SDHAF3: variants seen among roughly 807,000 people sequenced by gnomAD.
The protein encoded by SDHAF3 is succinate dehydrogenase assembly factor 3, mitochondrial.
Under a neutral mutation model 11.5 loss-of-function variants are expected in SDHAF3, and 18 were observed. The observed-to-expected ratio is 1.56, with a 90% CI of 1.08 to 2.32. The LOEUF is 2.32. Among genes scored for constraint, SDHAF3 ranks in the 30% most tolerant of loss-of-function variants. The probability of loss-of-function intolerance (pLI) is 0.00; values close to 1 mark genes in which losing one functional copy is unlikely to be tolerated. For missense variants in SDHAF3, 200 were observed against 154.4 expected (o/e 1.30, Z -1.57); for synonymous variants, 72 against 59.3 (o/e 1.21, Z -0.99).
chr7:97,146,300 G>A (rs925598070), intron 1 of SDHAF3, among the ~76,000 whole-genome samples: 1 of 152,106 alleles, frequency 6.6e-6, no homozygotes, highest in African/African-American at 2.4e-5. Context: ...GGGAGTAAAA[G>A]AAGCACTAAA....
intron 1 of SDHAF3, among the ~76,000 whole-genome samples, chr7:97,163,168 C>CTTTTTTTTTTTTTTTTTTTTTTTTTT: frequency 8.0e-6 from 1 of 125,030 alleles, no homozygotes; most frequent in Non-Finnish European, 1.6e-5. Flanking sequence ...GTTTAAAGTC[C>CTTTTTTTTTTTTTTTTTTTTTTTTTT]TTTTTTTTTT....
rs1224287228 is a variant in SDHAF3 at position 97,146,297 on chromosome 7, AAAG to A, written c.174+28404_174+28406del. Among the ~76,000 whole-genome samples, 10 of 152,274 alleles carry A rather than the reference AAAG, an allele frequency of 6.6e-5. No homozygotes were observed. In the East Asian group the frequency reaches 1.9e-3, roughly 29 times the overall value. The stretch of plus-strand genomic sequence containing the variant: ...CAAAACTGTGACATTTGTGGGAGTA[AAAG>A]AAGCACTAAAATCACATCATACACA... On this transcript the variant is annotated intron_variant, in intron 1 of 1. Transcript: ENST00000432641.
At position 97,155,184 on chromosome 7, in the gene SDHAF3, A is replaced by C. The variant is rs527784522; in HGVS notation, c.175-25828A>C. Among the ~76,000 whole-genome samples, 38 of 152,330 alleles carry C rather than the reference A, an allele frequency of 2.5e-4. 2 individuals are homozygous for C. In the South Asian group the frequency reaches 5.2e-3, roughly 21 times the overall value. On this transcript the variant is annotated intron_variant, in intron 1 of 1. Coordinates refer to ENST00000432641, the MANE Select transcript of SDHAF3 (RefSeq NM_020186.3). Reference sequence around the variant, plus strand: ...GGGATTTTGATTGGAATTGCATTAAACGAGGTCAATTTGGGGAGCATTAAT... The same window carrying C: ...GGGATTTTGATTGGAATTGCATTAACCGAGGTCAATTTGGGGAGCATTAAT...
At chr7:97,175,976 C>T (rs930115503) in intron 1 of SDHAF3, among the ~76,000 whole-genome samples, 1 of 152,112 alleles carries the variant, frequency 6.6e-6, no homozygotes, top group Non-Finnish European at 1.5e-5. Flanking sequence ...TCCAGGATTC[C>T]CTTGAATTAT....
intron 1 of SDHAF3, among the ~76,000 whole-genome samples, chr7:97,147,302 A>G (rs1389083264): frequency 1.3e-5 from 2 of 152,198 alleles, no homozygotes; most frequent in East Asian, 1.9e-4. Flanking sequence ...TCAAAATTAG[A>G]TCTTGTGCAT....
intron 1 of SDHAF3, among the ~76,000 whole-genome samples, chr7:97,130,287 A>C (rs1056719429): frequency 6.6e-6 from 1 of 150,764 alleles, no homozygotes; most frequent in Non-Finnish European, 1.5e-5. Context: ...AAAAAAAAAA[A>C]CCTTGATGTA....
At chr7:97,179,718 A>G (rs1363368498) in intron 1 of SDHAF3, among the ~76,000 whole-genome samples, 1 of 137,132 alleles carries the variant, frequency 7.3e-6, no homozygotes, top group African/African-American at 2.8e-5. Flanking sequence ...CCCCACCCCT[A>G]CCCCCCCTAC....
chr7:97,140,723 C>CCGTCATCTTCGCAAGCT (rs537451563), intron 1 of SDHAF3, among the ~76,000 whole-genome samples: 378 of 152,152 alleles, frequency 2.5e-3, no homozygotes, highest in African/African-American at 8.7e-3. Flanking sequence ...TTTCTTAATC[C>CCGTCATCTTCGCAAGCT]CGTCATCTTC....
chr7:97,159,270 A>T (rs1789360294), intron 1 of SDHAF3, among the ~76,000 whole-genome samples: 1 of 152,200 alleles, frequency 6.6e-6, no homozygotes, highest in African/African-American at 2.4e-5. Flanking sequence ...CTAAGCAGTG[A>T]TGCTAGAATC....
chr7:97,140,185 A>G (rs1402303097), intron 1 of SDHAF3, among the ~76,000 whole-genome samples: 16 of 152,074 alleles, frequency 1.1e-4, no homozygotes, highest in Admixed American at 1.0e-3. Context: ...CATTTGGCTT[A>G]ATGTTTTACT....
At chr7:97,144,920 A>T (rs80119007) in intron 1 of SDHAF3, among the ~76,000 whole-genome samples, 16,295 of 152,046 alleles carry the variant, frequency 0.11, 880 homozygotes, top group Middle Eastern at 0.16. Context: ...CACAATATTG[A>T]TGTTACCCAT....
chr7:97,125,321 G>T (rs983982762), intron 1 of SDHAF3, among the ~76,000 whole-genome samples: 1 of 152,072 alleles, frequency 6.6e-6, no homozygotes, highest in African/African-American at 2.4e-5. Flanking sequence ...TGACCGTAGG[G>T]TGTCAATTTT....
chr7:97,150,261 C>T (rs551031549), intron 1 of SDHAF3, among the ~76,000 whole-genome samples: 1 of 152,286 alleles, frequency 6.6e-6, no homozygotes, highest in African/African-American at 2.4e-5. Flanking sequence ...TGATCTGCTC[C>T]CATGAATCAC....
chr7:97,134,635 T>G (rs747061184), intron 1 of SDHAF3, among the ~76,000 whole-genome samples: 2 of 152,096 alleles, frequency 1.3e-5, no homozygotes, highest in East Asian at 1.9e-4. Context: ...TTAGTAGATA[T>G]GAGGTTTCAG....
At chr7:97,154,963 T>A (rs1789280510) in intron 1 of SDHAF3, among the ~76,000 whole-genome samples, 1 of 152,216 alleles carries the variant, frequency 6.6e-6, no homozygotes, top group Non-Finnish European at 1.5e-5. Flanking sequence ...GTCAGTCTAG[T>A]GTTTTCTTTC....
chr7:97,157,259 G>C (rs1229559077), intron 1 of SDHAF3, among the ~76,000 whole-genome samples: 1 of 152,100 alleles, frequency 6.6e-6, no homozygotes, highest in Non-Finnish European at 1.5e-5. Flanking sequence ...ACATTCTCTA[G>C]ACTTTTTCAA....
intron 1 of SDHAF3, among the ~76,000 whole-genome samples, chr7:97,173,366 G>C (rs1214225372): frequency 1.3e-5 from 2 of 152,038 alleles, no homozygotes; most frequent in African/African-American, 4.8e-5. Context: ...ATGAACCACT[G>C]TGTACCTATC....
intron 1 of SDHAF3, among the ~76,000 whole-genome samples, chr7:97,140,948 A>G (rs529012239): frequency 2.6e-4 from 39 of 152,358 alleles, no homozygotes; most frequent in African/African-American, 9.1e-4. Context: ...TCTTCTTTCA[A>G]AAGCAAATGG....
At chr7:97,168,757 T>C (rs1415966046) in intron 1 of SDHAF3, among the ~76,000 whole-genome samples, 1 of 152,240 alleles carries the variant, frequency 6.6e-6, no homozygotes, top group African/African-American at 2.4e-5. Flanking sequence ...TTCATGCCTT[T>C]TACATTTTTT....
Sources: allele counts gnomAD v4.1 joint callset (sites outside exome capture counted in the v4.1 genomes callset), GRCh38; gene constraint gnomAD v4.1.1; transcripts MANE v1.5; gene names NCBI Gene and HGNC (gene_info 2026-07-23, HGNC 2026-07-21).